Variants in XRCC4 observed in about 807,000 individuals in gnomAD.
XRCC4 encodes the protein DNA repair protein XRCC4.
In XRCC4, 28 loss-of-function variants were observed where a neutral mutation model predicts 39.1. That is an observed-to-expected ratio of 0.72 (90% confidence interval 0.53 to 0.98). The LOEUF is 0.98. XRCC4 is among the 50% of genes least tolerant of loss of function. The probability of loss-of-function intolerance (pLI) is 0.00; values close to 1 mark genes in which losing one functional copy is unlikely to be tolerated. For missense variants in XRCC4, 350 were observed against 376.4 expected (o/e 0.93, Z 0.58); for synonymous variants, 123 against 126.4 (o/e 0.97, Z 0.18).
intron 1 of XRCC4, among the ~76,000 whole-genome samples, chr5:83,083,940 C>T (rs1025908977): frequency 1.3e-5 from 2 of 152,132 alleles, no homozygotes; most frequent in Non-Finnish European, 2.9e-5. Flanking sequence ...AGGGTAAGTG[C>T]TGCTTTTCAG....
intron 1 of XRCC4, among the ~76,000 whole-genome samples, chr5:83,103,441 G>A (rs1746048869): frequency 6.9e-6 from 1 of 145,808 alleles, no homozygotes; most frequent in African/African-American, 2.6e-5. Context: ...TTGCAAGAAT[G>A]TGCAGTAATC....
At chr5:83,328,838 C>T (rs1374258264) in intron 7 of XRCC4, among the ~76,000 whole-genome samples, 1 of 152,028 alleles carries the variant, frequency 6.6e-6, no homozygotes, top group Non-Finnish European at 1.5e-5. Flanking sequence ...TGCATATATA[C>T]AAATTTGGCA....
At chr5:83,120,521 T>A (rs1045717415) in intron 3 of XRCC4, among the ~76,000 whole-genome samples, 1 of 152,232 alleles carries the variant, frequency 6.6e-6, no homozygotes, top group Non-Finnish European at 1.5e-5. Flanking sequence ...TGTTTTAGAA[T>A]TTCATGTGAA....
intron 7 of XRCC4, among the ~76,000 whole-genome samples, chr5:83,275,826 G>C (rs1384894332): frequency 1.3e-5 from 2 of 151,960 alleles, no homozygotes; most frequent in South Asian, 2.1e-4. Flanking sequence ...TGCAATGAAA[G>C]TAAAGAAAGG....
chr5:83,184,412 G>C (rs1360201742), intron 3 of XRCC4, among the ~76,000 whole-genome samples: 1 of 151,774 alleles, frequency 6.6e-6, no homozygotes, highest in East Asian at 1.9e-4. Context: ...TCAGTGACTT[G>C]CATGGGGGAG....
intron 3 of XRCC4, among the ~76,000 whole-genome samples, chr5:83,117,372 T>C (rs561978762): frequency 6.6e-6 from 1 of 152,340 alleles, no homozygotes; most frequent in East Asian, 1.9e-4. Flanking sequence ...GATTTTGCCA[T>C]ACAGACTTTG....
intron 7 of XRCC4, among the ~76,000 whole-genome samples, chr5:83,339,535 G>A (rs894397297): frequency 2.6e-5 from 4 of 151,970 alleles, no homozygotes; most frequent in Non-Finnish European, 4.4e-5. Flanking sequence ...TAAATGACTA[G>A]TTGATGGGTG....
chr5:83,371,039 A>G, the XRCC4 span, among the ~76,000 whole-genome samples: 1 of 152,172 alleles, frequency 6.6e-6, no homozygotes, highest in African/African-American at 2.4e-5. Context: ...TGACATTTTC[A>G]GTATTCTCCT....
At chr5:83,095,432 T>A (rs576955095) in intron 1 of XRCC4, among the ~76,000 whole-genome samples, 1 of 152,252 alleles carries the variant, frequency 6.6e-6, no homozygotes, top group East Asian at 1.9e-4. Context: ...TTAGAAATGA[T>A]CAGTGGGGTA....
chr5:83,357,370 C>G (rs1193518772), downstream of XRCC4, among the ~76,000 whole-genome samples: 1 of 151,954 alleles, frequency 6.6e-6, no homozygotes, highest in Non-Finnish European at 1.5e-5. Flanking sequence ...AGTGGTAGTC[C>G]AGATGGTATA....
chr5:83,091,178 A>G (rs1390935517), intron 1 of XRCC4, among the ~76,000 whole-genome samples: 1 of 152,190 alleles, frequency 6.6e-6, no homozygotes, highest in Non-Finnish European at 1.5e-5. Context: ...TGCTATGAGG[A>G]ACTGCCTAAG....
intron 1 of XRCC4, among the ~76,000 whole-genome samples, chr5:83,096,429 C>G (rs1486689555): frequency 6.6e-6 from 1 of 152,026 alleles, no homozygotes; most frequent in Non-Finnish European, 1.5e-5. Flanking sequence ...CTCCAGGACC[C>G]CTTGGCAGGT....
chr5:83,176,320 A>T (rs1749955544), intron 3 of XRCC4, among the ~76,000 whole-genome samples: 1 of 152,146 alleles, frequency 6.6e-6, no homozygotes, highest in Non-Finnish European at 1.5e-5. Context: ...AAAATACATA[A>T]AGTAAAAAAA....
At chr5:83,360,489 C>T in the XRCC4 span, among the ~76,000 whole-genome samples, 1 of 152,120 alleles carries the variant, frequency 6.6e-6, no homozygotes, top group East Asian at 1.9e-4. Flanking sequence ...TTAAATGATT[C>T]TCATGAATAT....
intron 7 of XRCC4, among the ~76,000 whole-genome samples, chr5:83,348,828 C>G (rs1454369454): frequency 6.6e-6 from 1 of 152,158 alleles, no homozygotes; most frequent in African/African-American, 2.4e-5. Context: ...AATTTCAGGT[C>G]ATTTCTTTGT....
intron 3 of XRCC4, among the ~76,000 whole-genome samples, chr5:83,126,530 A>G (rs934699870): frequency 6.6e-6 from 1 of 152,198 alleles, no homozygotes; most frequent in East Asian, 1.9e-4. Flanking sequence ...AGGCCCAGGC[A>G]GAGACTTGCT....
At chr5:83,235,463 A>T (rs1382375903) in intron 6 of XRCC4, among the ~76,000 whole-genome samples, 1 of 152,092 alleles carries the variant, frequency 6.6e-6, no homozygotes, top group African/African-American at 2.4e-5. Flanking sequence ...GCCAAAAATC[A>T]TATAATCACT....
At chr5:83,355,014 G>T (rs1356584056), downstream of XRCC4, among the ~76,000 whole-genome samples, 1 of 152,024 alleles carries the variant, frequency 6.6e-6, no homozygotes, top group African/African-American at 2.4e-5. Flanking sequence ...GTCTGCACCT[G>T]TACCTTGGCC....
At chr5:83,219,585 G>T (rs1752002955) in intron 6 of XRCC4, among the ~76,000 whole-genome samples, 1 of 152,180 alleles carries the variant, frequency 6.6e-6, no homozygotes, top group Non-Finnish European at 1.5e-5. Flanking sequence ...GTCTGTCTGT[G>T]CATTAGATTG....
Sources: gnomAD v4.1 joint callset for allele counts (sites outside exome capture counted in the v4.1 genomes callset) on GRCh38, gnomAD v4.1.1 for gene constraint, MANE v1.5 for transcripts, NCBI Gene and HGNC (gene_info 2026-07-23, HGNC 2026-07-21) for gene names.